Variants in NPAS3 observed in about 807,000 individuals in gnomAD.
NPAS3 encodes neuronal PAS domain protein 3, also known as neuronal PAS domain-containing protein 3.
Under a neutral mutation model 73.1 loss-of-function variants are expected in NPAS3, and 14 were observed. The ratio of observed to expected loss-of-function variants is 0.19; its 90% CI spans 0.13 to 0.30. The LOEUF (loss-of-function observed/expected upper bound fraction) is 0.30, where lower values mean the gene tolerates loss of function less well. NPAS3 is among the 10% of genes least tolerant of loss of function. The probability of loss-of-function intolerance (pLI) is 1.00; values close to 1 mark genes in which losing one functional copy is unlikely to be tolerated. For missense variants in NPAS3, 1,096 were observed against 1,250.0 expected, an observed-to-expected ratio of 0.88 and a Z score of 1.86; for synonymous variants, 620 against 541.5, an observed-to-expected ratio of 1.14 and a Z score of -2.01.
intron 5 of NPAS3, among the ~76,000 whole-genome samples, chr14:33,653,930 C>A (rs1056941215): frequency 2.0e-5 from 3 of 152,150 alleles, no homozygotes; most frequent in African/African-American, 7.2e-5. Flanking sequence ...TGATTTTCCT[C>A]GTAACTCACT....
At chr14:33,213,018 T>A (rs1044169824) in intron 2 of NPAS3, among the ~76,000 whole-genome samples, 9 of 152,212 alleles carry the variant, frequency 5.9e-5, no homozygotes, top group African/African-American at 1.9e-4. Flanking sequence ...AAATGGCATA[T>A]AAAAGTTCAG....
chr14:33,256,915 C>T (rs756631099), intron 3 of NPAS3, among the ~76,000 whole-genome samples: 6 of 152,148 alleles, frequency 3.9e-5, no homozygotes. Context: ...CCCCATTTTA[C>T]AGACAGGAGA....
chr14:33,182,122 A>G (rs2045820047), intron 2 of NPAS3, among the ~76,000 whole-genome samples: 2 of 152,238 alleles, frequency 1.3e-5, no homozygotes, highest in Admixed American at 6.5e-5. Context: ...TAATCAATAA[A>G]TGATTGACGA....
At chr14:33,005,304 C>G (rs895992976) in intron 1 of NPAS3, among the ~76,000 whole-genome samples, 4 of 152,064 alleles carry the variant, frequency 2.6e-5, no homozygotes, top group Admixed American at 2.6e-4. Context: ...TTTTTTTCAG[C>G]TCTATTATAA....
intron 2 of NPAS3, among the ~76,000 whole-genome samples, chr14:33,086,578 A>G (rs1160302471): frequency 6.6e-6 from 1 of 152,206 alleles, no homozygotes; most frequent in Non-Finnish European, 1.5e-5. Context: ...AAGCAAATAA[A>G]TGTTGTCAAG....
intron 3 of NPAS3, among the ~76,000 whole-genome samples, chr14:33,268,217 T>G (rs2040903277): frequency 6.6e-6 from 1 of 152,072 alleles, no homozygotes; most frequent in African/African-American, 2.4e-5. Context: ...TCTGCTGCCT[T>G]TTTGATCTGA....
intron 4 of NPAS3, among the ~76,000 whole-genome samples, chr14:33,549,665 TG>T (rs1408730264): frequency 6.6e-6 from 1 of 152,232 alleles, no homozygotes; most frequent in Non-Finnish European, 1.5e-5. Flanking sequence ...GTGGTTTCCA[TG>T]GTTTAGTTAC....
chr14:33,214,879 CCTT>C (rs1406018912), intron 2 of NPAS3: 11 of 334,024 alleles, frequency 3.3e-5, no homozygotes, highest in Middle Eastern at 8.6e-4. Flanking sequence ...CGCCTGTAAA[CCTT>C]CTGTTAGGTC....
At chr14:33,372,503 G>A (rs867210936) in intron 4 of NPAS3, among the ~76,000 whole-genome samples, 2 of 152,128 alleles carry the variant, frequency 1.3e-5, no homozygotes, top group Non-Finnish European at 2.9e-5. Context: ...TTCAATACCC[G>A]TGTTTGTAGG....
At chr14:33,307,797 A>G (rs1173486578) in intron 3 of NPAS3, among the ~76,000 whole-genome samples, 1 of 152,164 alleles carries the variant, frequency 6.6e-6, no homozygotes, top group Non-Finnish European at 1.5e-5. Flanking sequence ...TCACTGAAGC[A>G]TGCTGTTGTA....
At chr14:33,634,627 T>C (rs937614515) in intron 5 of NPAS3, among the ~76,000 whole-genome samples, 2 of 152,098 alleles carry the variant, frequency 1.3e-5, no homozygotes, top group African/African-American at 4.8e-5. Flanking sequence ...GAGTTTGCGA[T>C]GTGAGGTGGG....
chr14:33,205,708 T>A (rs896595663), intron 2 of NPAS3, among the ~76,000 whole-genome samples: 1 of 152,214 alleles, frequency 6.6e-6, no homozygotes, highest in Non-Finnish European at 1.5e-5. Context: ...AATGGTGTGT[T>A]CCTTGGTGTC....
chr14:33,567,236 C>T (rs1359810784), intron 5 of NPAS3, among the ~76,000 whole-genome samples: 1 of 152,226 alleles, frequency 6.6e-6, no homozygotes, highest in Non-Finnish European at 1.5e-5. Flanking sequence ...CCATATTCAA[C>T]CCCTTTTACC....
intron 7 of NPAS3, among the ~76,000 whole-genome samples, chr14:33,764,367 C>T (rs2062393393): frequency 6.6e-6 from 1 of 152,180 alleles, no homozygotes; most frequent in Non-Finnish European, 1.5e-5. Flanking sequence ...TAGAACAAGA[C>T]TAGTTGGGAA....
intron 4 of NPAS3, among the ~76,000 whole-genome samples, chr14:33,534,101 T>C (rs754495037): frequency 2.0e-5 from 3 of 151,936 alleles, no homozygotes; most frequent in Non-Finnish European, 2.9e-5. Flanking sequence ...ATCTAATATA[T>C]AATCTACAGG....
chr14:33,461,733 AG>A (rs1270046189), intron 4 of NPAS3, among the ~76,000 whole-genome samples: 1 of 152,244 alleles, frequency 6.6e-6, no homozygotes, highest in Non-Finnish European at 1.5e-5. Context: ...TTATGGATAT[AG>A]GATAGATAAT....
intron 5 of NPAS3, among the ~76,000 whole-genome samples, chr14:33,658,681 C>T (rs1421907888): frequency 1.3e-5 from 2 of 152,076 alleles, no homozygotes; most frequent in Non-Finnish European, 2.9e-5. Flanking sequence ...AAATGACTTG[C>T]AATGTCAGGG....
intron 3 of NPAS3, among the ~76,000 whole-genome samples, chr14:33,263,987 G>C (rs2049074278): frequency 6.6e-6 from 1 of 152,096 alleles, no homozygotes. Flanking sequence ...GTTTATTGCG[G>C]CACTATTCAC....
chr14:33,452,764 G>C (rs2049855174), intron 4 of NPAS3, among the ~76,000 whole-genome samples: 1 of 93,002 alleles, frequency 1.1e-5, no homozygotes, highest in Non-Finnish European at 1.8e-5. Context: ...GACAGAGTTA[G>C]ACTCTGTCTC....
Sources: gnomAD v4.1 joint callset for allele counts (sites outside exome capture counted in the v4.1 genomes callset) on GRCh38, gnomAD v4.1.1 for gene constraint, MANE v1.5 for transcripts, NCBI Gene and HGNC (gene_info 2026-07-23, HGNC 2026-07-21) for gene names.